Variants in SYNRG observed in about 807,000 individuals in gnomAD.
The protein encoded by SYNRG is synergin gamma, also known as AP1 gamma subunit binding protein 1.
In SYNRG, 37 loss-of-function variants were observed where a neutral mutation model predicts 130.9. The ratio of observed to expected loss-of-function variants is 0.28; its 90% CI spans 0.22 to 0.37. SYNRG has a LOEUF of 0.37. Ranked by LOEUF, SYNRG falls within the 10% of genes least tolerant of loss-of-function variation. SYNRG has a pLI of 1.00. For synonymous variants in SYNRG, 539 were observed against 568.1 expected (o/e 0.95, Z 0.73); for missense variants, 1,338 against 1,588.9 (o/e 0.84, Z 2.68).
At chr17:37,523,217 G>A (rs2055365339) in intron 19 of SYNRG, among the ~76,000 whole-genome samples, 1 of 152,090 alleles carries the variant, frequency 6.6e-6, no homozygotes, top group Non-Finnish European at 1.5e-5. Flanking sequence ...GAGTGCAGGG[G>A]CGTGTGTGAT....
In SYNRG at chr17:37,515,087, T is replaced by C. The variant is rs975506896; in HGVS notation, c.*3853A>G. The stretch of plus-strand genomic sequence containing the variant: ...ATGAGATGTCCCACATGAATACTTT[T>C]TAACCACTTACATTCACGTCAACAT... On this transcript the variant is annotated 3_prime_UTR_variant, in exon 22 of 22. Coordinates refer to ENST00000612223, the MANE Select transcript of SYNRG (RefSeq NM_007247.6). 1.3e-5 allele frequency: 2 copies of C among 152,236 alleles called. No individual in the cohort carries two copies. The highest frequency in any genetic ancestry group is 2.9e-5 in the Non-Finnish European group (2 of 68,044). The allele number at this position is 152,236 out of a possible 1,614,324, so 9.4% of individuals were successfully genotyped here.
Position 37,545,806 on chromosome 17 carries a change from T to C in SYNRG, c.2609-3241A>G, listed in dbSNP as rs900427257. ...TAAAATCAAGCCTCAAAATTGAGTT[T>C]TAAATTTACTTTTGCTTATTTGTTG... On this transcript the variant is annotated intron_variant, in intron 14 of 21. Coordinates refer to ENST00000612223, the MANE Select transcript of SYNRG (RefSeq NM_007247.6). Among the ~76,000 whole-genome samples, 5 of 152,360 alleles carry C rather than the reference T, an allele frequency of 3.3e-5. No homozygotes were observed. The East Asian group carries it at 9.6e-4, about 29-fold the overall frequency.
chr17:37,563,847 C>G, intron 11 of SYNRG, among the ~76,000 whole-genome samples: 1 of 143,884 alleles, frequency 7.0e-6, no homozygotes, highest in Middle Eastern at 3.7e-3. Flanking sequence ...TCCCCGCCAG[C>G]TTTTTTTTTT....
At chr17:37,521,254 T>A (rs1451016760) in intron 19 of SYNRG, among the ~76,000 whole-genome samples, 1 of 152,006 alleles carries the variant, frequency 6.6e-6, no homozygotes, top group Non-Finnish European at 1.5e-5. Context: ...GGTCTTGAAC[T>A]CCTGATTGCA....
At chr17:37,545,756 T>C (rs2058224811) in intron 14 of SYNRG, among the ~76,000 whole-genome samples, 1 of 152,188 alleles carries the variant, frequency 6.6e-6, no homozygotes, top group Admixed American at 6.5e-5. Flanking sequence ...ATACTTAAAA[T>C]GAAGAGCAAA....
chr17:37,571,486 G>A (rs749346093), intron 9 of SYNRG, among the ~76,000 whole-genome samples: 21 of 152,176 alleles, frequency 1.4e-4, no homozygotes, highest in Non-Finnish European at 2.6e-4. Flanking sequence ...GGAGGCTGAG[G>A]CACGAGAATC....
chr17:37,584,500 A>G (rs113492545), intron 6 of SYNRG, 148 bp downstream of exon 6: 383 of 610,854 alleles, frequency 6.3e-4, no homozygotes, highest in Non-Finnish European at 1.0e-3. Context: ...AAGCCACTGT[A>G]TATTTGAGAA....
chr17:37,545,389 T>C (rs2058191571), intron 14 of SYNRG, among the ~76,000 whole-genome samples: 1 of 152,088 alleles, frequency 6.6e-6, no homozygotes, highest in Non-Finnish European at 1.5e-5. Flanking sequence ...TTTGAGACTC[T>C]GTCTCAAAAA....
chr17:37,540,442 T>C lies in SYNRG; in HGVS notation c.3304A>G (p.Asn1102Asp). 6.2e-7 allele frequency: 1 copy of C among 1,613,942 alleles called. No homozygotes were observed. Among genetic ancestry groups the C allele is most frequent in the African/African-American group, 1.3e-5 (1 of 74,986 alleles). Residue 1102 changes from asparagine to aspartate, a missense_variant, in exon 16 of 22, where the codon AAT becomes GAT. Around this residue, in one of 3 missense-constraint regions of SYNRG, gnomAD observed 1,146 missense variants for 1,342.3 expected, o/e 0.85. Transcript: ENST00000612223. ...ATGACGGGCAGGGCGGGCTTCTCAT[T>C]CAGAGTATTGGAACGGTCTCTGAAA... ...QPFRDRSNTLNEKPALPVIRD... is the reference protein window; with the variant it reads ...QPFRDRSNTLDEKPALPVIRD...
intron 11 of SYNRG, among the ~76,000 whole-genome samples, chr17:37,563,847 C>CT (rs770865891): frequency 2.0e-3 from 287 of 143,660 alleles, no homozygotes; most frequent in Middle Eastern, 0.015. Flanking sequence ...TCCCCGCCAG[C>CT]TTTTTTTTTT....
At chr17:37,533,588 CTTTTTTTTTTT>C (rs533546189) in intron 19 of SYNRG, among the ~76,000 whole-genome samples, 2 of 135,384 alleles carry the variant, frequency 1.5e-5, no homozygotes, top group Non-Finnish European at 3.2e-5. Flanking sequence ...TTTTCTTTTT[CTTTTTTTTTTT>C]TTTTTGAGAC....
chr17:37,578,351 G>A (rs1197442857), intron 6 of SYNRG, among the ~76,000 whole-genome samples: 2 of 151,744 alleles, frequency 1.3e-5, no homozygotes, highest in African/African-American at 2.4e-5. Context: ...AAAAGTAAAC[G>A]TTGAAATAAT....
At chr17:37,552,679 G>A (rs748805125) in intron 14 of SYNRG, among the ~76,000 whole-genome samples, 3 of 152,120 alleles carry the variant, frequency 2.0e-5, no homozygotes, top group Non-Finnish European at 4.4e-5. Flanking sequence ...GTTAATTTCT[G>A]TAAATCAAAC....
chr17:37,577,692 ATTCTTTT>A (rs2060951558), intron 6 of SYNRG, 79 bp from the exon 7 acceptor site: 3 of 770,642 alleles, frequency 3.9e-6, no homozygotes, highest in Non-Finnish European at 5.7e-6. Flanking sequence ...CCACCCCCAT[ATTCTTTT>A]TTTTTTTTTT....
At chr17:37,548,570 T>C (rs946859187) in intron 14 of SYNRG, among the ~76,000 whole-genome samples, 13 of 151,982 alleles carry the variant, frequency 8.6e-5, no homozygotes, top group Non-Finnish European at 1.8e-4. Context: ...GTAATCCCAC[T>C]ACTTTGGGAG....
intron 19 of SYNRG, among the ~76,000 whole-genome samples, chr17:37,529,194 G>A (rs1419971929): frequency 6.6e-6 from 1 of 152,190 alleles, no homozygotes; most frequent in Non-Finnish European, 1.5e-5. Flanking sequence ...CCTCATATTT[G>A]TTTACACTAA....
At chr17:37,573,266 G>T (rs1442670196) in intron 8 of SYNRG, among the ~76,000 whole-genome samples, 1 of 152,132 alleles carries the variant, frequency 6.6e-6, no homozygotes, top group African/African-American at 2.4e-5. Flanking sequence ...AGCCAGGCGT[G>T]GTGGTGCACG....
chr17:37,600,528 C>T (rs767642766), intron 1 of SYNRG, 125 bp from the exon 2 acceptor site: 3 of 904,458 alleles, frequency 3.3e-6, no homozygotes, highest in South Asian at 2.8e-5. Flanking sequence ...CACCACAATA[C>T]TGAATTGCCC....
intron 1 of SYNRG, among the ~76,000 whole-genome samples, chr17:37,606,303 G>A (rs997506795): frequency 1.8e-4 from 27 of 152,102 alleles, no homozygotes; most frequent in African/African-American, 5.8e-4. Flanking sequence ...CCACTTCTTT[G>A]CCTTTGATAT....
Sources: gnomAD v4.1 joint callset for allele counts (sites outside exome capture counted in the v4.1 genomes callset) on GRCh38, gnomAD v4.1.1 for gene constraint, gnomAD v4.1.1 regional missense constraint, MANE v1.5 for transcripts, NCBI Gene and HGNC (gene_info 2026-07-23, HGNC 2026-07-21) for gene names.